PLCB1: variants seen among roughly 807,000 people sequenced by gnomAD.
PLCB1 encodes phospholipase C beta 1, also known as 1-phosphatidylinositol 4,5-bisphosphate phosphodiesterase beta-1.
A neutral mutation model predicts 161.8 loss-of-function variants in PLCB1; 46 were observed. That is an observed-to-expected ratio of 0.28 (90% CI 0.22 to 0.36). The LOEUF (loss-of-function observed/expected upper bound fraction) is 0.36, where lower values mean the gene tolerates loss of function less well. PLCB1 is among the 10% of genes least tolerant of loss of function. The probability of loss-of-function intolerance (pLI) is 1.00; values close to 1 mark genes in which losing one functional copy is unlikely to be tolerated. For synonymous variants in PLCB1, 517 were observed against 503.7 expected (o/e 1.03, Z -0.35); for missense variants, 1,016 against 1,472.5 (o/e 0.69, Z 5.07).
At chr20:8,490,755 C>T (rs904904379) in intron 3 of PLCB1, among the ~76,000 whole-genome samples, 6 of 151,920 alleles carry the variant, frequency 3.9e-5, no homozygotes, top group African/African-American at 1.2e-4. Flanking sequence ...TGCTTATTTG[C>T]CATCCCAGTT....
chr20:8,479,022 T>C (rs1318680339), intron 3 of PLCB1, among the ~76,000 whole-genome samples: 5 of 152,310 alleles, frequency 3.3e-5, no homozygotes, highest in African/African-American at 9.6e-5. Context: ...TAATTCTTCA[T>C]TGTGGCAAAC....
intron 3 of PLCB1, among the ~76,000 whole-genome samples, chr20:8,576,356 A>T (rs1986673782): frequency 6.6e-6 from 1 of 152,158 alleles, no homozygotes; most frequent in Non-Finnish European, 1.5e-5. Context: ...GGATGAACAA[A>T]CTGTAAAGCC....
chr20:8,673,113 AAAATAAATAAAT>A (rs145820624), intron 9 of PLCB1, among the ~76,000 whole-genome samples: 3,177 of 146,858 alleles, frequency 0.022, 76 homozygotes, highest in African/African-American at 0.055. Context: ...GTCCATCCCA[AAAATAAATAAAT>A]AAATAAATAA....
At chr20:8,493,909 A>G in intron 3 of PLCB1, among the ~76,000 whole-genome samples, 1 of 136,902 alleles carries the variant, frequency 7.3e-6, no homozygotes, top group African/African-American at 3.2e-5. Context: ...ACCTTGGTGT[A>G]TGAGAGTCTG....
intron 18 of PLCB1, among the ~76,000 whole-genome samples, chr20:8,731,032 T>C (rs377489825): frequency 3.9e-5 from 6 of 151,982 alleles, no homozygotes; most frequent in African/African-American, 1.2e-4. Context: ...TATTTATTGC[T>C]TTGGCCTTAC....
rs559016747 is a variant in PLCB1, at chr20:8,485,057, C to G, written c.246+113607C>G. Reference sequence around the variant, plus strand: ...CCCCAGGGAATAATAATTTGAAAACCAGCACTTAATTATAATAGACTTGTA... The same window carrying G: ...CCCCAGGGAATAATAATTTGAAAACGAGCACTTAATTATAATAGACTTGTA... On this transcript the variant is annotated intron_variant, in intron 3 of 31. Coordinates refer to ENST00000338037, the MANE Select transcript of PLCB1 (RefSeq NM_015192.4). 6.6e-5 allele frequency among the ~76,000 whole-genome samples: 10 copies of G among 152,238 alleles called. No homozygotes were observed. In the East Asian group the frequency reaches 1.9e-3, roughly 29 times the overall value.
At position 8,313,122 on chromosome 20, in the gene PLCB1, C is replaced by A. The variant is rs77951613; in HGVS notation, c.178-58260C>A. Among the ~76,000 whole-genome samples the A allele has an allele frequency of 4.4e-4, 67 of 152,256 alleles. 1 individual carries two copies. In the East Asian group the frequency reaches 0.01, roughly 23 times the overall value. ...TTTTACTTAAAGCAAAAAGCACTAG[C>A]ATTTTTTTTAATATAATGGGATGCA... On this transcript the variant is annotated intron_variant, in intron 2 of 31. Transcript: ENST00000338037.
intron 3 of PLCB1, among the ~76,000 whole-genome samples, chr20:8,510,633 C>T (rs112541276): frequency 0.18 from 26,779 of 151,960 alleles, 2,445 homozygotes; most frequent in Middle Eastern, 0.21. Context: ...ACAGGTGATC[C>T]GCCCGCCTCG....
Position 8,553,082 on chromosome 20 carries a change from A to G in PLCB1, c.247-75212A>G, listed in dbSNP as rs113709657. Among the ~76,000 whole-genome samples the G allele has an allele frequency of 6.0e-3, 907 of 152,268 alleles. 7 individuals carry two copies. Among genetic ancestry groups the G allele is most frequent in the African/African-American group, 0.02 (842 of 41,562 alleles). On this transcript the variant is annotated intron_variant, in intron 3 of 31. Coordinates refer to ENST00000338037, the MANE Select transcript of PLCB1 (RefSeq NM_015192.4). ...TTATAAAGAACAGGGCTGAAGATTT[A>G]TAAGTTGAATTTTGTTGCAAATGCC...
intron 3 of PLCB1, among the ~76,000 whole-genome samples, chr20:8,517,107 A>G (rs1455777500): frequency 6.6e-6 from 1 of 152,068 alleles, no homozygotes; most frequent in Non-Finnish European, 1.5e-5. Flanking sequence ...TATAGAGATG[A>G]CATTGGGCTG....
chr20:8,427,928 A>G (rs1005606825), intron 3 of PLCB1, among the ~76,000 whole-genome samples: 1 of 152,158 alleles, frequency 6.6e-6, no homozygotes, highest in Non-Finnish European at 1.5e-5. Context: ...GGTCTATGTG[A>G]TTCTAGAACA....
chr20:8,522,299 A>G (rs1164983019), intron 3 of PLCB1, among the ~76,000 whole-genome samples: 1 of 152,080 alleles, frequency 6.6e-6, no homozygotes, highest in Non-Finnish European at 1.5e-5. Context: ...TTTTCTAAGA[A>G]TCTCTGTTAC....
chr20:8,819,231 AT>A lies in PLCB1; in HGVS notation c.3423+28973del, dbSNP rs533873111. Among the ~76,000 whole-genome samples the A allele has an allele frequency of 2.6e-4, 40 of 152,312 alleles. 1 individual carries two copies. In the South Asian group the frequency reaches 7.9e-3, roughly 30 times the overall value. Reference sequence around the variant, plus strand: ...AAGCGCACACTGATGTGAGAACTTGATTTATGAGAGAGATGGCACTGGAGAC... The same window carrying A: ...AAGCGCACACTGATGTGAGAACTTGATTATGAGAGAGATGGCACTGGAGAC... On this transcript the variant is annotated intron_variant, in intron 31 of 31. Transcript: ENST00000338037.
intron 2 of PLCB1, among the ~76,000 whole-genome samples, chr20:8,321,857 T>A (rs965541112): frequency 1.3e-5 from 2 of 152,294 alleles, no homozygotes; most frequent in Admixed American, 6.5e-5. Context: ...TCCCTTGGCA[T>A]GCAGTATATA....
At chr20:8,653,171 G>A (rs1052714551) in intron 7 of PLCB1, 1 of 151,990 alleles carries the variant, frequency 6.6e-6, no homozygotes, top group Non-Finnish European at 1.5e-5. Flanking sequence ...CCATGTATTT[G>A]TTTCAAATAA....
In PLCB1 at chr20:8,300,644, A is replaced by G. The variant is rs543596397; in HGVS notation, c.178-70738A>G. On this transcript the variant is annotated intron_variant, in intron 2 of 31. Transcript: ENST00000338037. ...CCATGTTGGTGTGCTGCACCCATTA[A>G]CTCGTCATTTAGCATTAGGTATGTT... Among the ~76,000 whole-genome samples the G allele has an allele frequency of 1.6e-3, 249 of 152,138 alleles. 1 individual carries two copies. The Middle Eastern group carries it at 0.017, about 10-fold the overall frequency.
chr20:8,348,654 C>A (rs1986077369), intron 2 of PLCB1, among the ~76,000 whole-genome samples: 1 of 152,188 alleles, frequency 6.6e-6, no homozygotes, highest in African/African-American at 2.4e-5. Context: ...CTCCAGGCTT[C>A]TTTCACATGG....
At chr20:8,266,114 T>A (rs1981943524) in intron 2 of PLCB1, among the ~76,000 whole-genome samples, 1 of 152,204 alleles carries the variant, frequency 6.6e-6, no homozygotes, top group South Asian at 2.1e-4. Context: ...TTTAGTTGTG[T>A]ATCGATTAAC....
chr20:8,585,643 T>A (rs970068281), intron 3 of PLCB1, among the ~76,000 whole-genome samples: 2 of 152,206 alleles, frequency 1.3e-5, no homozygotes, highest in African/African-American at 4.8e-5. Flanking sequence ...TTTTTCCAAG[T>A]CTGAGCTGAG....
Sources: gnomAD v4.1 joint callset for allele counts (sites outside exome capture counted in the v4.1 genomes callset) on GRCh38, gnomAD v4.1.1 for gene constraint, MANE v1.5 for transcripts, NCBI Gene and HGNC (gene_info 2026-07-23, HGNC 2026-07-21) for gene names.